Variants in QKI observed in about 807,000 individuals in gnomAD.
The protein encoded by QKI is QKI, KH domain containing RNA binding, also known as KH domain-containing RNA-binding protein QKI.
Under a neutral mutation model 39.0 loss-of-function variants are expected in QKI, and 10 were observed. That is an observed-to-expected ratio of 0.26 (90% CI 0.16 to 0.43). The LOEUF is 0.43. Ranked by LOEUF, QKI falls within the 20% of genes least tolerant of loss-of-function variation. QKI has a pLI of 1.00. For missense variants in QKI, 218 were observed against 428.0 expected (o/e 0.51, Z 4.33); for synonymous variants, 204 against 155.4 (o/e 1.31, Z -2.33).
intron 1 of QKI, among the ~76,000 whole-genome samples, chr6:163,436,789 CAAAAAAA>C (rs60899517): frequency 1.2e-4 from 11 of 89,422 alleles, no homozygotes; most frequent in East Asian, 3.7e-4. Flanking sequence ...GACTCCGTCT[CAAAAAAA>C]AAAAAAAAAA....
intron 1 of QKI, 73 bp from the exon 2 acceptor site, chr6:163,455,206 C>A: frequency 8.0e-7 from 1 of 1,251,298 alleles, no homozygotes; most frequent in Non-Finnish European, 1.1e-6. Context: ...CCTCCCCTGC[C>A]CTCTCTTTTT....
intron 2 of QKI, among the ~76,000 whole-genome samples, chr6:163,456,284 A>G (rs1382418583): frequency 1.3e-5 from 2 of 151,798 alleles, no homozygotes; most frequent in Non-Finnish European, 2.9e-5. Context: ...ATAATCGGGC[A>G]TTTTTCTGGT....
intron 1 of QKI, among the ~76,000 whole-genome samples, chr6:163,444,152 C>G (rs566231873): frequency 2.0e-5 from 3 of 152,264 alleles, no homozygotes; most frequent in South Asian, 2.1e-4. Context: ...GCCTGGAGTT[C>G]TCAACCAGTC....
At chr6:163,434,574 G>C (rs1789098850) in intron 1 of QKI, among the ~76,000 whole-genome samples, 1 of 151,986 alleles carries the variant, frequency 6.6e-6, no homozygotes, top group Admixed American at 6.6e-5. Context: ...AATTAGCCGG[G>C]CGTGGTGGTG....
chr6:163,560,856 T>G (rs1466030836), intron 4 of QKI, among the ~76,000 whole-genome samples: 1 of 152,218 alleles, frequency 6.6e-6, no homozygotes. Flanking sequence ...TTTAGTAGTT[T>G]GGGTGCTATG....
chr6:163,555,261 A>G lies in QKI; in HGVS notation c.547-6721A>G, dbSNP rs142024966. Reference sequence around the variant, plus strand: ...GGGTTTATTGGTTATTGGTTAGTTTATGGATACAATTCATGATAAATTTCT... The same window carrying G: ...GGGTTTATTGGTTATTGGTTAGTTTGTGGATACAATTCATGATAAATTTCT... On this transcript the variant is annotated intron_variant, in intron 4 of 7. Coordinates refer to ENST00000361752, the MANE Select transcript of QKI (RefSeq NM_006775.3). 1.8e-3 allele frequency among the ~76,000 whole-genome samples: 276 copies of G among 152,294 alleles called. 1 individual carries two copies. The highest frequency in any genetic ancestry group is 6.4e-3 in the African/African-American group (266 of 41,558).
chr6:163,496,279 C>T (rs768176652), intron 3 of QKI, among the ~76,000 whole-genome samples: 2 of 152,160 alleles, frequency 1.3e-5, no homozygotes, highest in Non-Finnish European at 2.9e-5. Context: ...GGCTTCAACA[C>T]ACTGAGCTTT....
At chr6:163,473,179 G>T (rs147942937) in intron 2 of QKI, among the ~76,000 whole-genome samples, 1 of 152,194 alleles carries the variant, frequency 6.6e-6, no homozygotes, top group East Asian at 1.9e-4. Flanking sequence ...TCTACTTCTG[G>T]GAGTTGCGTG....
chr6:163,530,125 A>G (rs1780761619), intron 3 of QKI, among the ~76,000 whole-genome samples: 1 of 152,226 alleles, frequency 6.6e-6, no homozygotes, highest in African/African-American at 2.4e-5. Flanking sequence ...TAAAACAGAC[A>G]TTATAGTAGT....
chr6:163,460,418 A>G (rs1238173268), intron 2 of QKI, among the ~76,000 whole-genome samples: 1 of 152,190 alleles, frequency 6.6e-6, no homozygotes, highest in Non-Finnish European at 1.5e-5. Flanking sequence ...GTTTAGATTC[A>G]TAATGTTATT....
chr6:163,551,436 G>A (rs957138714), intron 4 of QKI, among the ~76,000 whole-genome samples: 8 of 152,198 alleles, frequency 5.3e-5, no homozygotes, highest in African/African-American at 1.7e-4. Context: ...TTCTAGCTTA[G>A]CCTAACTCTG....
intron 3 of QKI, among the ~76,000 whole-genome samples, chr6:163,512,189 T>C (rs1276438774): frequency 6.6e-6 from 1 of 152,028 alleles, no homozygotes; most frequent in African/African-American, 2.4e-5. Context: ...GGAAACTTCC[T>C]CAGTTTGATA....
intron 3 of QKI, among the ~76,000 whole-genome samples, chr6:163,529,329 G>C (rs940838820): frequency 6.6e-6 from 1 of 152,132 alleles, no homozygotes; most frequent in Non-Finnish European, 1.5e-5. Context: ...TATTTGATTT[G>C]AATGATGCTC....
At chr6:163,494,074 C>A (rs1778241094) in intron 3 of QKI, among the ~76,000 whole-genome samples, 1 of 151,346 alleles carries the variant, frequency 6.6e-6, no homozygotes, top group Admixed American at 6.6e-5. Flanking sequence ...ATACCTTGGC[C>A]CTCCATACTG....
chr6:163,535,241 G>T, intron 4 of QKI, 116 bp downstream of exon 4: 2 of 1,127,648 alleles, frequency 1.8e-6, no homozygotes, highest in Non-Finnish European at 2.4e-6. Flanking sequence ...TTTTATTTAA[G>T]CATAAAATTA....
intron 3 of QKI, among the ~76,000 whole-genome samples, chr6:163,518,400 A>C (rs1230204577): frequency 6.6e-6 from 1 of 152,166 alleles, no homozygotes; most frequent in Non-Finnish European, 1.5e-5. Flanking sequence ...GGGCCGAGAT[A>C]AGCAAAATTG....
chr6:163,474,823 G>A (rs1792466828), intron 2 of QKI, among the ~76,000 whole-genome samples: 1 of 149,224 alleles, frequency 6.7e-6, no homozygotes, highest in Non-Finnish European at 1.5e-5. Flanking sequence ...GCATGGTGAG[G>A]CTGAGGTGGG....
chr6:163,476,375 C>T (rs1457210664), intron 2 of QKI, among the ~76,000 whole-genome samples: 2 of 150,256 alleles, frequency 1.3e-5, no homozygotes, highest in African/African-American at 2.5e-5. Flanking sequence ...TCCTGTCTCT[C>T]TCATGATAGA....
chr6:163,433,161 C>G (rs1013852231), intron 1 of QKI, among the ~76,000 whole-genome samples: 2 of 152,160 alleles, frequency 1.3e-5, no homozygotes, highest in Admixed American at 1.3e-4. Context: ...TAAATTGGAA[C>G]ACATTAACTG....
Sources: gnomAD v4.1 joint callset for allele counts (sites outside exome capture counted in the v4.1 genomes callset) on GRCh38, gnomAD v4.1.1 for gene constraint, MANE v1.5 for transcripts, NCBI Gene and HGNC (gene_info 2026-07-23, HGNC 2026-07-21) for gene names.